Variants in PPP3CA observed in about 807,000 individuals in gnomAD.
The protein encoded by PPP3CA is CAM-PRP catalytic subunit.
A neutral mutation model predicts 66.5 loss-of-function variants in PPP3CA; 14 were observed. The ratio of observed to expected loss-of-function variants is 0.21; its 90% CI spans 0.14 to 0.33. PPP3CA has a LOEUF of 0.33. Ranked by LOEUF, PPP3CA falls within the 10% of genes least tolerant of loss-of-function variation. The pLI is 1.00. For synonymous variants in PPP3CA, 232 were observed against 226.2 expected, an observed-to-expected ratio of 1.03 and a Z score of -0.23; for missense variants, 317 against 639.5, an observed-to-expected ratio of 0.50 and a Z score of 5.44.
At chr4:101,196,330 A>G (rs1185635858) in intron 1 of PPP3CA, among the ~76,000 whole-genome samples, 1 of 152,236 alleles carries the variant, frequency 6.6e-6, no homozygotes, top group Admixed American at 6.5e-5. Context: ...AACAAAATTG[A>G]TAGTTCTTGT....
At chr4:101,099,573 C>T (rs1375635253) in intron 4 of PPP3CA, 38 bp downstream of exon 4, 1 of 1,255,512 alleles carries the variant, frequency 8.0e-7, no homozygotes, top group African/African-American at 1.5e-5. Flanking sequence ...CTTTTTAGCA[C>T]ATATAGTGTT....
At chr4:101,251,151 G>A (rs1560681179) in intron 1 of PPP3CA, among the ~76,000 whole-genome samples, 1 of 151,746 alleles carries the variant, frequency 6.6e-6, no homozygotes, top group Non-Finnish European at 1.5e-5. Context: ...TAGCTCTCAT[G>A]GGCTCATAAA....
At chr4:101,326,141 A>G (rs1344258486) in intron 1 of PPP3CA, among the ~76,000 whole-genome samples, 1 of 152,176 alleles carries the variant, frequency 6.6e-6, no homozygotes, top group Non-Finnish European at 1.5e-5. Context: ...GTCTCCAAAA[A>G]AGGAAGGAGG....
At chr4:101,188,013 C>T (rs1370068283) in intron 2 of PPP3CA, among the ~76,000 whole-genome samples, 1 of 151,978 alleles carries the variant, frequency 6.6e-6, no homozygotes, top group Non-Finnish European at 1.5e-5. Context: ...ATTCTGAGAG[C>T]AATTAAAAGA....
At chr4:101,283,178 C>CA (rs1458572829) in intron 1 of PPP3CA, among the ~76,000 whole-genome samples, 4 of 152,218 alleles carry the variant, frequency 2.6e-5, no homozygotes, top group Admixed American at 6.5e-5. Flanking sequence ...CGTCAAATTT[C>CA]AAAAAGATGG....
intron 2 of PPP3CA, among the ~76,000 whole-genome samples, chr4:101,158,511 G>A (rs1723398257): frequency 1.3e-5 from 2 of 152,176 alleles, no homozygotes; most frequent in Non-Finnish European, 2.9e-5. Flanking sequence ...TCTCCTTTCA[G>A]TTTCCACGTT....
intron 11 of PPP3CA, among the ~76,000 whole-genome samples, chr4:101,033,324 A>ACG (rs1727095217): frequency 1.4e-5 from 2 of 147,194 alleles, no homozygotes; most frequent in Non-Finnish European, 3.0e-5. Flanking sequence ...ACACACACAC[A>ACG]CACACAGGGA....
chr4:101,190,664 A>G (rs1163840739), intron 2 of PPP3CA, among the ~76,000 whole-genome samples: 1 of 152,148 alleles, frequency 6.6e-6, no homozygotes, highest in Admixed American at 6.6e-5. Context: ...CTGTTCCAGT[A>G]GCAACTTTCT....
Position 101,106,453 on chromosome 4 carries a change from G to GAAAGAAAGAAAGAAAGAAAGAAAGAAA in PPP3CA, c.384+2500_384+2501insTTTCTTTCTTTCTTTCTTTCTTTCTTT, listed in dbSNP as rs775018059. The stretch of plus-strand genomic sequence containing the variant: ...AGAAAGAAAGAAAGAAAGAAAGAAA[G>GAAAGAAAGAAAGAAAGAAAGAAAGAAA]AGAAAAGAAAAGAAAAGAAAAGAAA... On this transcript the variant is annotated intron_variant, in intron 3 of 13. Transcript: ENST00000394854. Among the ~76,000 whole-genome samples the GAAAGAAAGAAAGAAAGAAAGAAAGAAA allele has an allele frequency of 2.0e-4, 7 of 35,512 alleles. 2 individuals are homozygous for GAAAGAAAGAAAGAAAGAAAGAAAGAAA. The allele number at this position is 35,512 out of a possible 152,430, so 23.3% of individuals were successfully genotyped here.
At chr4:101,036,631 C>G (rs1177509264) in intron 11 of PPP3CA, among the ~76,000 whole-genome samples, 2 of 152,162 alleles carry the variant, frequency 1.3e-5, no homozygotes, top group African/African-American at 4.8e-5. Context: ...CCAGGATGGT[C>G]TCGATCTCCT....
chr4:101,208,891 C>T (rs1026752380), intron 1 of PPP3CA, among the ~76,000 whole-genome samples: 3 of 152,056 alleles, frequency 2.0e-5, no homozygotes, highest in South Asian at 2.1e-4. Context: ...CTCTTTATAT[C>T]GGGTTTATTT....
chr4:101,297,146 C>T (rs555165695), intron 1 of PPP3CA, among the ~76,000 whole-genome samples: 3 of 152,134 alleles, frequency 2.0e-5, no homozygotes, highest in Non-Finnish European at 2.9e-5. Flanking sequence ...CATTTATAAT[C>T]GTCTTTTCTT....
At chr4:101,147,501 G>A (rs979098746) in intron 2 of PPP3CA, among the ~76,000 whole-genome samples, 11 of 152,096 alleles carry the variant, frequency 7.2e-5, no homozygotes, top group African/African-American at 2.4e-4. Flanking sequence ...CTATTACAGT[G>A]AAGAGAAAAA....
chr4:101,183,765 A>G (rs1230805652), intron 2 of PPP3CA, among the ~76,000 whole-genome samples: 1 of 152,114 alleles, frequency 6.6e-6, no homozygotes, highest in Non-Finnish European at 1.5e-5. Context: ...TGTGTGAAAG[A>G]CAGACTGGAA....
chr4:101,094,833 G>C (rs1730122009), intron 5 of PPP3CA, among the ~76,000 whole-genome samples: 1 of 152,094 alleles, frequency 6.6e-6, no homozygotes. Context: ...GATCTTTGGT[G>C]AATCAGCAGA....
rs540944733 is a variant in PPP3CA at position 101,040,680 on chromosome 4, T to C, written c.1157-114A>G. 235 of 722,980 alleles carry C rather than the reference T, an allele frequency of 3.3e-4. 1 individual carries two copies. Among genetic ancestry groups the C allele is most frequent in the Middle Eastern group, 6.2e-4 (2 of 3,236 alleles). The allele number at this position is 722,980 out of a possible 1,614,324, so 44.8% of individuals were successfully genotyped here. On this transcript the variant is annotated intron_variant, in intron 10 of 13. Coordinates refer to ENST00000394854, the MANE Select transcript of PPP3CA (RefSeq NM_000944.5). ...AAGCAAAATCAGTATTTTTTTTTTTTCCCCCTTAAGAGGATTTATCTGTAA... is the reference window on the plus strand; with the variant it reads ...AAGCAAAATCAGTATTTTTTTTTTTCCCCCCTTAAGAGGATTTATCTGTAA...
intron 11 of PPP3CA, among the ~76,000 whole-genome samples, chr4:101,036,584 T>G (rs949082800): frequency 6.6e-6 from 1 of 152,182 alleles, no homozygotes; most frequent in Non-Finnish European, 1.5e-5. Flanking sequence ...GCTAATTTTT[T>G]TGTATTTTCA....
At position 101,025,197 on chromosome 4, in the gene PPP3CA, G is replaced by T. The variant is rs1726572840; in HGVS notation, c.*668C>A. ...AGATAAGTGTTATATGGAAAGAAGG[G>T]CATTCAAGCACACTAAAGAAACCTG... On this transcript the variant is annotated 3_prime_UTR_variant, in exon 14 of 14. Transcript: ENST00000394854. 6.6e-6 allele frequency: 1 copy of T among 152,154 alleles called. No homozygotes were observed. Among genetic ancestry groups the T allele is most frequent in the South Asian group, 2.1e-4 (1 of 4,816 alleles). The allele number at this position is 152,154 out of a possible 1,614,324, so 9.4% of individuals were successfully genotyped here. A position where few individuals can be genotyped will look rare whatever the true frequency, so the allele number is the denominator to read the frequency against.
chr4:101,241,089 A>T (rs1483495749), intron 1 of PPP3CA, among the ~76,000 whole-genome samples: 2 of 151,286 alleles, frequency 1.3e-5, no homozygotes, highest in African/African-American at 4.9e-5. Flanking sequence ...AAGGTCTCAA[A>T]CTCCTGGACT....
Sources: gnomAD v4.1 joint callset for allele counts (sites outside exome capture counted in the v4.1 genomes callset) on GRCh38, gnomAD v4.1.1 for gene constraint, MANE v1.5 for transcripts, NCBI Gene and HGNC (gene_info 2026-07-23, HGNC 2026-07-21) for gene names.